Variants in GNPTAB observed in about 807,000 individuals in gnomAD.
GNPTAB encodes N-acetylglucosamine-1-phosphotransferase subunits alpha/beta.
In GNPTAB, 92 loss-of-function variants were observed where a neutral mutation model predicts 136.6. The observed-to-expected ratio is 0.67, with a 90% CI of 0.57 to 0.80. GNPTAB has a LOEUF of 0.80. Among genes scored for constraint, GNPTAB ranks in the 30% least tolerant of loss-of-function variants. The probability of loss-of-function intolerance (pLI) is 0.00; values close to 1 mark genes in which losing one functional copy is unlikely to be tolerated. For missense variants in GNPTAB, 1,343 were observed against 1,501.8 expected (o/e 0.89, Z 1.75); for synonymous variants, 512 against 535.1 (o/e 0.96, Z 0.60).
At chr12:101,752,975 G>A (rs370808180) in intron 19 of GNPTAB, among the ~76,000 whole-genome samples, 1 of 152,150 alleles carries the variant, frequency 6.6e-6, no homozygotes, top group Non-Finnish European at 1.5e-5. Flanking sequence ...AATTTTGGCC[G>A]AGCATGGTGG....
At chr12:101,766,969 T>C (rs574687386) in intron 11 of GNPTAB, among the ~76,000 whole-genome samples, 2 of 152,330 alleles carry the variant, frequency 1.3e-5, no homozygotes, top group South Asian at 2.1e-4. Context: ...GTGGGTAACA[T>C]GTTTGATACC....
intron 13 of GNPTAB, among the ~76,000 whole-genome samples, chr12:101,763,566 T>C (rs1953034241): frequency 6.6e-6 from 1 of 152,200 alleles, no homozygotes; most frequent in South Asian, 2.1e-4. Flanking sequence ...CCCTCTGAAC[T>C]TCTTGCCCAT....
intron 1 of GNPTAB, chr12:101,810,396 C>CATATATATATAT (rs55753015): frequency 5.7e-4 from 76 of 134,236 alleles, no homozygotes; most frequent in African/African-American, 1.9e-3. Context: ...ACTCCAATTT[C>CATATATATATAT]ATATATATAT....
At chr12:101,799,796 C>T (rs1869506445) in intron 1 of GNPTAB, among the ~76,000 whole-genome samples, 1 of 147,460 alleles carries the variant, frequency 6.8e-6, no homozygotes, top group South Asian at 2.3e-4. Context: ...GAGTTCAACA[C>T]TGAAGGCACT....
intron 15 of GNPTAB, 55 bp from the exon 16 acceptor site, chr12:101,760,198 G>T: frequency 1.8e-6 from 2 of 1,101,912 alleles, no homozygotes; most frequent in Non-Finnish European, 2.8e-6. Context: ...AATGACTGTG[G>T]TTTTAAAAAT....
chr12:101,769,619 C>T (rs977373109), intron 10 of GNPTAB, among the ~76,000 whole-genome samples: 3 of 151,688 alleles, frequency 2.0e-5, no homozygotes, highest in African/African-American at 4.8e-5. Context: ...TTTCAAGATC[C>T]GGTTCTCACT....
chr12:101,796,662 CA>C lies in GNPTAB; in HGVS notation c.203+14del, dbSNP rs755771895. 57 of 1,545,832 alleles carry C rather than the reference CA, an allele frequency of 3.7e-5. No homozygotes were observed. Among genetic ancestry groups the C allele is most frequent in the Non-Finnish European group, 4.9e-5 (55 of 1,118,310 alleles). ...TTTAGGTCCAAATAATAGATTTCTC[CA>C]AAATAGATCTTACCGATTCTGAAAG... is the stretch of plus-strand genomic sequence containing the variant. On this transcript the variant is annotated intron_variant, in intron 2 of 20. Coordinates refer to ENST00000299314, the MANE Select transcript of GNPTAB (RefSeq NM_024312.5).
chr12:101,754,293 G>A lies in GNPTAB; in HGVS notation c.3435-754C>T, dbSNP rs149590009. ...AATACAAAAAAATTAGCCGGGTGTG[G>A]TGGCATGCCTGTAATCCCAGCTACT... On this transcript the variant is annotated intron_variant, in intron 18 of 20. Coordinates refer to ENST00000299314, the MANE Select transcript of GNPTAB (RefSeq NM_024312.5). 1.3e-3 allele frequency among the ~76,000 whole-genome samples: 202 copies of A among 152,136 alleles called. 3 individuals carry two copies. The East Asian group carries it at 0.031, about 23-fold the overall frequency.
intron 1 of GNPTAB, among the ~76,000 whole-genome samples, chr12:101,828,306 A>T (rs1306093758): frequency 2.0e-5 from 3 of 152,188 alleles, no homozygotes; most frequent in Non-Finnish European, 4.4e-5. Flanking sequence ...GAGGTTAAAT[A>T]TCCTTCCCAA....
intron 1 of GNPTAB, among the ~76,000 whole-genome samples, chr12:101,821,685 T>C (rs1870811120): frequency 6.6e-6 from 1 of 152,160 alleles, no homozygotes; most frequent in African/African-American, 2.4e-5. Context: ...GAAGTCTGTT[T>C]CCCACTTCCT....
In GNPTAB at chr12:101,760,018, C is replaced by T. The variant is rs767207022; in HGVS notation, c.3249+12G>A. On this transcript the variant is annotated intron_variant, in intron 16 of 20. Transcript: ENST00000299314. ...CTTTCTGTTGTACATAAAAGTAACC[C>T]ATTCCACTTACCAGGTTGGGATCAT... The T allele has an allele frequency of 6.9e-7, 1 of 1,444,188 alleles. No individual in the cohort carries two copies. Among genetic ancestry groups the T allele is most frequent in the South Asian group, 1.1e-5 (1 of 87,728 alleles). 89.5% of individuals were successfully genotyped at this position (1,444,188 alleles called of 1,614,324 possible).
At position 101,764,898 on chromosome 12, in the gene GNPTAB, T is replaced by C. The variant is rs551905649; in HGVS notation, c.2019A>G (p.Lys673=). 319 of 1,614,072 alleles carry C rather than the reference T, an allele frequency of 2.0e-4. 1 individual carries two copies. In the South Asian group the frequency reaches 3.3e-3, roughly 17 times the overall value. Residue 673 remains lysine, a synonymous_variant, in exon 13 of 21, where the codon AAA becomes AAG. Transcript: ENST00000299314. ...CATGTCTCTTAAACTTCGGGAAGCG[T>C]TTTTCTTTGGGAATATCCTCAAAAA... The part of the protein sequence containing the change: ...EILFEDIPKE[K]RFPKFKRHDV...
chr12:101,748,994 G>A, intron 20 of GNPTAB, 107 bp downstream of exon 20: 1 of 738,322 alleles, frequency 1.4e-6, no homozygotes, highest in Non-Finnish European at 2.4e-6. Context: ...AAGACAATAA[G>A]AGAAGTTAAA....
At chr12:101,815,321 G>T (rs1375055236) in intron 1 of GNPTAB, among the ~76,000 whole-genome samples, 1 of 152,196 alleles carries the variant, frequency 6.6e-6, no homozygotes, top group Admixed American at 6.5e-5. Context: ...TTACAGGCAT[G>T]AGCCACCATG....
At chr12:101,757,025 A>G (rs1281642235) in intron 18 of GNPTAB, 187 bp downstream of exon 18, 5 of 555,868 alleles carry the variant, frequency 9.0e-6, no homozygotes, top group Non-Finnish European at 1.6e-5. Context: ...GTTCAGGCTC[A>G]TCCCTCTGCA....
chr12:101,770,354 A>G (rs772096923), intron 9 of GNPTAB, 52 bp downstream of exon 9: 20 of 1,446,376 alleles, frequency 1.4e-5, no homozygotes, highest in Non-Finnish European at 1.8e-5. Flanking sequence ...GTACCACACT[A>G]AAAGAGCAGA....
chr12:101,788,412 A>C (rs553931035), intron 4 of GNPTAB, 136 bp downstream of exon 4: 19 of 699,308 alleles, frequency 2.7e-5, no homozygotes, highest in Non-Finnish European at 5.0e-5. Context: ...TGTCTAATAG[A>C]TGTACCTAAT....
At chr12:101,784,778 G>T (rs58474338) in intron 5 of GNPTAB, among the ~76,000 whole-genome samples, 13,410 of 152,188 alleles carry the variant, frequency 0.088, 654 homozygotes, top group Middle Eastern at 0.18. Context: ...AAGCTGGGAG[G>T]TATGACACTG....
intron 11 of GNPTAB, among the ~76,000 whole-genome samples, chr12:101,766,793 A>G (rs1953101890): frequency 1.3e-5 from 2 of 152,240 alleles, no homozygotes; most frequent in Admixed American, 1.3e-4. Flanking sequence ...GTCACTTGAC[A>G]GAAGCGTGAT....
Sources: allele counts gnomAD v4.1 joint callset (sites outside exome capture counted in the v4.1 genomes callset), GRCh38; gene constraint gnomAD v4.1.1; transcripts MANE v1.5; gene names NCBI Gene and HGNC (gene_info 2026-07-23, HGNC 2026-07-21).